GINS1: variants seen among roughly 807,000 people sequenced by gnomAD.
The protein encoded by GINS1 is DNA replication complex GINS protein PSF1.
A neutral mutation model predicts 34.9 loss-of-function variants in GINS1; 26 were observed. The observed-to-expected ratio is 0.74, with a 90% CI of 0.55 to 1.03. GINS1 has a LOEUF of 1.03. Ranked by LOEUF, GINS1 falls within the 50% of genes least tolerant of loss-of-function variation. The pLI is 0.00. For synonymous variants in GINS1, 97 were observed against 84.4 expected, an observed-to-expected ratio of 1.15 and a Z score of -0.82; for missense variants, 235 against 237.9, an observed-to-expected ratio of 0.99 and a Z score of 0.08.
At chr20:25,420,734 A>T (rs540696045) in intron 4 of GINS1, 1 of 324,600 alleles carries the variant, frequency 3.1e-6, no homozygotes, top group South Asian at 1.2e-4. Context: ...ATGAGCTGAG[A>T]TCGCACCACT....
chr20:25,409,918 CTG>C (rs1335734772), intron 1 of GINS1, among the ~76,000 whole-genome samples: 3 of 152,214 alleles, frequency 2.0e-5, no homozygotes, highest in African/African-American at 7.2e-5. Flanking sequence ...AACAGAGAGA[CTG>C]TGCAAACAGG....
At chr20:25,428,969 C>CTTATTTTTTTTTTTTTTTTTTT in intron 5 of GINS1, among the ~76,000 whole-genome samples, 1 of 127,442 alleles carries the variant, frequency 7.8e-6, no homozygotes, top group Non-Finnish European at 1.6e-5. Flanking sequence ...ATTCCTCTCT[C>CTTATTTTTTTTTTTTTTTTTTT]TTTTTTTTTT....
At position 25,407,902 on chromosome 20, in the gene GINS1, G is replaced by C; in HGVS notation, c.75+7G>C. The C allele has an allele frequency of 6.2e-7, 1 of 1,609,216 alleles. No individual in the cohort carries two copies. The highest frequency in any genetic ancestry group is 8.5e-7 in the Non-Finnish European group (1 of 1,175,738). The stretch of plus-strand genomic sequence containing the variant: ...GCAACTGCCTGCCTTCAACGTGAGG[G>C]GCGGGTAGACTTGGACGGGGCATGC... On this transcript the variant is annotated splice_region_variant and intron_variant, in intron 1 of 6. Transcript: ENST00000262460.
At chr20:25,408,328 T>A (rs2090260815) in intron 1 of GINS1, among the ~76,000 whole-genome samples, 1 of 152,164 alleles carries the variant, frequency 6.6e-6, no homozygotes, top group African/African-American at 2.4e-5. Context: ...AAAATGGGGA[T>A]GGTGACAATA....
In GINS1 at chr20:25,422,966, T is replaced by C. The variant is rs1347973701; in HGVS notation, c.331-2245T>C. 7.2e-5 allele frequency among the ~76,000 whole-genome samples: 11 copies of C among 151,796 alleles called. 1 individual carries two copies. The East Asian group carries it at 2.1e-3, about 29-fold the overall frequency. On this transcript the variant is annotated intron_variant, in intron 4 of 6. Transcript: ENST00000262460. ...TAATTTTTTGTATTTTTAGCAGAGA[T>C]GGGTTTCTCCATGTTGGTCAGGCTG...
At chr20:25,430,170 C>T (rs540720737) in intron 5 of GINS1, among the ~76,000 whole-genome samples, 1 of 152,326 alleles carries the variant, frequency 6.6e-6, no homozygotes, top group Admixed American at 6.5e-5. Context: ...CTTGGCCTCC[C>T]AAAGTGCTGG....
At chr20:25,410,517 G>T (rs912972978) in intron 1 of GINS1, among the ~76,000 whole-genome samples, 1 of 152,142 alleles carries the variant, frequency 6.6e-6, no homozygotes, top group South Asian at 2.1e-4. Flanking sequence ...ACAGAGGAAG[G>T]CTGACAGTGG....
chr20:25,436,660 T>A (rs1008157644), intron 5 of GINS1, among the ~76,000 whole-genome samples: 1 of 152,184 alleles, frequency 6.6e-6, no homozygotes, highest in African/African-American at 2.4e-5. Flanking sequence ...TCTTTTTAGG[T>A]TTTCTATTTC....
chr20:25,426,962 A>G (rs549089025), intron 5 of GINS1, among the ~76,000 whole-genome samples: 1 of 152,226 alleles, frequency 6.6e-6, no homozygotes, highest in African/African-American at 2.4e-5. Context: ...TGCTGCTATG[A>G]ACGTGGATAT....
chr20:25,418,373 CAT>C (rs1405834347), intron 4 of GINS1, among the ~76,000 whole-genome samples, 178 bp downstream of exon 4: 7 of 152,068 alleles, frequency 4.6e-5, no homozygotes, highest in African/African-American at 1.4e-4. Flanking sequence ...AATTCTAAAT[CAT>C]ATGTGGAAAA....
chr20:25,436,046 T>G (rs529699593), intron 5 of GINS1, among the ~76,000 whole-genome samples: 11 of 151,286 alleles, frequency 7.3e-5, no homozygotes, highest in African/African-American at 2.7e-4. Flanking sequence ...ATGGTCTCGA[T>G]CTCCTGACCT....
intron 4 of GINS1, chr20:25,420,799 AAAAAAG>A (rs2090350781): frequency 3.3e-6 from 3 of 918,038 alleles, no homozygotes; most frequent in Non-Finnish European, 3.9e-6. Flanking sequence ...AAAAAAAAGA[AAAAAAG>A]AAAAAGAATA....
At chr20:25,443,780 C>T (rs1475742294) in intron 6 of GINS1, among the ~76,000 whole-genome samples, 2 of 151,950 alleles carry the variant, frequency 1.3e-5, no homozygotes, top group African/African-American at 2.4e-5. Context: ...CCGCACCTGG[C>T]CTGGTGGTTG....
intron 4 of GINS1, among the ~76,000 whole-genome samples, chr20:25,423,147 C>T (rs1344606696): frequency 1.3e-5 from 2 of 149,634 alleles, no homozygotes; most frequent in African/African-American, 4.9e-5. Flanking sequence ...GACAGTTTGA[C>T]TCTGTCGCAC....
chr20:25,440,377 C>A (rs1016550468), intron 5 of GINS1, among the ~76,000 whole-genome samples: 1 of 152,144 alleles, frequency 6.6e-6, no homozygotes, highest in Non-Finnish European at 1.5e-5. Context: ...GAAATGATGT[C>A]TAAGATTTGC....
chr20:25,443,850 G>A (rs2090495971), intron 6 of GINS1, among the ~76,000 whole-genome samples: 1 of 152,046 alleles, frequency 6.6e-6, no homozygotes, highest in Non-Finnish European at 1.5e-5. Context: ...ATGGAGGCAT[G>A]AAAAAGAAAC....
intron 6 of GINS1, among the ~76,000 whole-genome samples, chr20:25,444,849 G>A (rs780564727): frequency 1.3e-4 from 20 of 152,328 alleles, no homozygotes; most frequent in Admixed American, 1.3e-4. Flanking sequence ...TAGCACCCAC[G>A]CGGTGGGTCA....
chr20:25,420,528 A>G (rs1343481781), intron 4 of GINS1, among the ~76,000 whole-genome samples: 1 of 152,142 alleles, frequency 6.6e-6, no homozygotes. Flanking sequence ...TTACTGCAAA[A>G]CTGGCAAATG....
rs527859142 is a variant in GINS1, at chr20:25,433,365, G to T, written c.447+8038G>T. Among the ~76,000 whole-genome samples, 4 of 151,952 alleles carry T rather than the reference G, an allele frequency of 2.6e-5. No individual in the cohort carries two copies. In the East Asian group the frequency reaches 7.7e-4, roughly 29 times the overall value. On this transcript the variant is annotated intron_variant, in intron 5 of 6. Coordinates refer to ENST00000262460, the MANE Select transcript of GINS1 (RefSeq NM_021067.5). ...TCTCATTTCCTCATTACCCCCCACAGATACCAAGATCCATGGATGCTCAAG... is the reference window on the plus strand; with the variant it reads ...TCTCATTTCCTCATTACCCCCCACATATACCAAGATCCATGGATGCTCAAG...
Sources: allele counts gnomAD v4.1 joint callset (sites outside exome capture counted in the v4.1 genomes callset), GRCh38; gene constraint gnomAD v4.1.1; transcripts MANE v1.5; gene names NCBI Gene and HGNC (gene_info 2026-07-23, HGNC 2026-07-21).